The following PAK3 variants were observed in gnomAD, a reference collection of about 807,000 sequenced individuals.
PAK3 encodes p21 (RAC1) activated kinase 3.
Under a neutral mutation model 41.0 loss-of-function variants are expected in PAK3, and 4 were observed. The observed-to-expected ratio is 0.10, with a 90% CI of 0.05 to 0.22. The LOEUF (loss-of-function observed/expected upper bound fraction) is 0.22, where lower values mean the gene tolerates loss of function less well. PAK3 is among the 10% of genes least tolerant of loss of function. The pLI, the probability that PAK3 is intolerant of heterozygous loss-of-function variation, is 1.00. For synonymous variants in PAK3, 146 were observed against 139.6 expected, an observed-to-expected ratio of 1.05 and a Z score of -0.32; for missense variants, 205 against 409.9, an observed-to-expected ratio of 0.50 and a Z score of 4.32.
chrX:110,993,368 T>C (rs1240117498), intron 1 of PAK3, among the ~76,000 whole-genome samples: 2 of 111,700 alleles, frequency 1.8e-5, no homozygotes, highest in Non-Finnish European at 3.8e-5. Flanking sequence ...CATTTATATT[T>C]CACCATTTAA....
chrX:111,209,777 G>A (rs1199224298), intron 16 of PAK3, among the ~76,000 whole-genome samples: 1 of 112,224 alleles, frequency 8.9e-6, no homozygotes, highest in African/African-American at 3.2e-5. Flanking sequence ...ACAAACTAAA[G>A]CTTTTTAATT....
At chrX:111,079,051 G>A (rs1372534055) in intron 1 of PAK3, among the ~76,000 whole-genome samples, 1 of 111,651 alleles carries the variant, frequency 9.0e-6, no homozygotes, top group East Asian at 2.8e-4. Flanking sequence ...ATTAGTTCAC[G>A]AGATTTAAGG....
At chrX:110,945,861 A>G (rs940578573) in intron 1 of PAK3, among the ~76,000 whole-genome samples, 2 of 112,225 alleles carry the variant, frequency 1.8e-5, no homozygotes, top group Non-Finnish European at 3.8e-5. Flanking sequence ...TGGTTTTAAT[A>G]AAGCATTGTT....
intron 16 of PAK3, among the ~76,000 whole-genome samples, chrX:111,214,897 A>G (rs1025192155): frequency 8.9e-6 from 1 of 111,791 alleles, no homozygotes; most frequent in Non-Finnish European, 1.9e-5. Flanking sequence ...ACATGTCTTC[A>G]TGAGTTAGGG....
chrX:111,102,377 C>T (rs2093158936), intron 3 of PAK3, among the ~76,000 whole-genome samples: 1 of 112,039 alleles, frequency 8.9e-6, no homozygotes, highest in African/African-American at 3.2e-5. Flanking sequence ...GAAGACTTAC[C>T]TGGTGGAGAC....
intron 11 of PAK3, among the ~76,000 whole-genome samples, chrX:111,183,065 T>G: frequency 1.8e-5 from 2 of 111,899 alleles, no homozygotes; most frequent in East Asian, 5.6e-4. Flanking sequence ...GAGGTAAAAA[T>G]GCTAAAGATC....
intron 3 of PAK3, among the ~76,000 whole-genome samples, chrX:111,100,454 T>C (rs2093107437): frequency 9.0e-6 from 1 of 111,413 alleles, no homozygotes; most frequent in Non-Finnish European, 1.9e-5. Flanking sequence ...GTGCAGCGGT[T>C]ACTCCTTGTG....
intron 4 of PAK3, among the ~76,000 whole-genome samples, chrX:111,108,170 G>A (rs148744033): frequency 1.3e-3 from 143 of 111,978 alleles, no homozygotes; most frequent in African/African-American, 4.4e-3. Flanking sequence ...TAAGTAGTTG[G>A]GGACAGCAGT....
chrX:111,017,488 C>T (rs2092109918), intron 1 of PAK3, among the ~76,000 whole-genome samples: 1 of 110,996 alleles, frequency 9.0e-6, no homozygotes, highest in East Asian at 2.8e-4. Context: ...AATGTGGTAA[C>T]CTAGATAAAA....
intron 10 of PAK3, among the ~76,000 whole-genome samples, chrX:111,168,539 G>A (rs747154000): frequency 3.6e-5 from 4 of 111,922 alleles, no homozygotes; most frequent in East Asian, 5.7e-4. Flanking sequence ...TGTGAAGGGC[G>A]ATGAGTGTGG....
intron 8 of PAK3, among the ~76,000 whole-genome samples, chrX:111,158,665 C>T (rs987097078): frequency 7.1e-5 from 8 of 112,123 alleles, no homozygotes; most frequent in African/African-American, 1.3e-4. Context: ...AGTGTTTGGT[C>T]CAAAGTAAAC....
intron 1 of PAK3, among the ~76,000 whole-genome samples, chrX:111,056,706 T>C (rs761694682): frequency 8.9e-6 from 1 of 112,445 alleles, no homozygotes; most frequent in South Asian, 3.7e-4. Flanking sequence ...TTTACATAAA[T>C]TGCTACATAA....
chrX:111,034,968 T>C (rs201472085), intron 1 of PAK3, among the ~76,000 whole-genome samples: 1 of 107,316 alleles, frequency 9.3e-6, no homozygotes, highest in East Asian at 2.9e-4. Context: ...TAACTAGGCA[T>C]CATGGTGTCC....
chrX:111,084,748 A>G (rs1449565238), intron 1 of PAK3, among the ~76,000 whole-genome samples: 3 of 112,374 alleles, frequency 2.7e-5, no homozygotes, highest in Non-Finnish European at 1.9e-5. Flanking sequence ...CCAGCCTCCA[A>G]GCCTTTCTAT....
intron 6 of PAK3, chrX:111,144,789 T>G (rs1213622029): frequency 1.5e-4 from 83 of 571,545 alleles, no homozygotes; most frequent in Non-Finnish European, 2.1e-4. Flanking sequence ...GGTTGGGAGG[T>G]GAGATTTTTG....
intron 1 of PAK3, among the ~76,000 whole-genome samples, chrX:111,029,243 C>T (rs1419821143): frequency 1.8e-5 from 2 of 112,122 alleles, no homozygotes; most frequent in Admixed American, 9.5e-5. Flanking sequence ...TCTACAACAT[C>T]ATACATATTG....
At chrX:111,105,146 A>G (rs965252988) in intron 4 of PAK3, among the ~76,000 whole-genome samples, 1 of 111,666 alleles carries the variant, frequency 9.0e-6, no homozygotes, top group Non-Finnish European at 1.9e-5. Context: ...ACATTTAGGT[A>G]CATTCACACT....
Position 111,119,516 on chromosome X carries a change from A to T in PAK3, c.-27-3561A>T, listed in dbSNP as rs770960577. On this transcript the variant is annotated intron_variant, in intron 4 of 17. Transcript: ENST00000372007. The stretch of plus-strand genomic sequence containing the variant: ...AAAGATAAACAGTTTTTTTTATCGG[A>T]TTCCTAGAGAATAATGGTGCTTATG... 3.6e-5 allele frequency among the ~76,000 whole-genome samples: 4 copies of T among 111,907 alleles called. No individual in the cohort carries two copies. In the South Asian group the frequency reaches 1.5e-3, roughly 42 times the overall value.
chrX:111,220,745 A>C lies in PAK3; in HGVS notation c.*298A>C. 1 of 312,777 alleles carries C rather than the reference A, an allele frequency of 3.2e-6. No individual in the cohort carries two copies. The highest frequency in any genetic ancestry group is 5.4e-5 in the South Asian group (1 of 18,359). The allele number at this position is 312,777 out of a possible 1,213,427, so 25.8% of individuals were successfully genotyped here. On this transcript the variant is annotated 3_prime_UTR_variant, in exon 18 of 18. Transcript: ENST00000372007. ...CATTTTGTGCATTCACTTTGAAGAA[A>C]AAGGTTTCTCAAAGATGCACACTCC...
Sources: allele counts gnomAD v4.1 joint callset (sites outside exome capture counted in the v4.1 genomes callset), GRCh38; gene constraint gnomAD v4.1.1; transcripts MANE v1.5; gene names NCBI Gene and HGNC (gene_info 2026-07-23, HGNC 2026-07-21).